The following SCAPER variants were observed in gnomAD, a reference collection of about 807,000 sequenced individuals.
SCAPER encodes the protein S phase cyclin A-associated protein in the endoplasmic reticulum.
SCAPER carries 98 observed loss-of-function variants against 182.2 expected under a neutral mutation model. That is an observed-to-expected ratio of 0.54 (90% CI 0.46 to 0.64). The LOEUF (loss-of-function observed/expected upper bound fraction) is 0.64. Ranked by LOEUF, SCAPER falls within the 30% of genes least tolerant of loss-of-function variation. SCAPER has a pLI of 0.00. For missense variants in SCAPER, 1,432 were observed against 1,690.0 expected (o/e 0.85, Z 2.68); for synonymous variants, 605 against 564.6 (o/e 1.07, Z -1.01).
intron 22 of SCAPER, among the ~76,000 whole-genome samples, chr15:76,574,852 G>A (rs1015049334): frequency 6.6e-6 from 1 of 152,062 alleles, no homozygotes; most frequent in Admixed American, 6.6e-5. Flanking sequence ...ATCACTGTGT[G>A]CATTACTTCT....
chr15:76,388,786 C>G (rs982326427), intron 27 of SCAPER, among the ~76,000 whole-genome samples: 3 of 151,846 alleles, frequency 2.0e-5, no homozygotes, highest in Admixed American at 1.3e-4. Flanking sequence ...TGGTGAAACC[C>G]TGTCTCTACT....
chr15:76,767,083 C>CA lies in SCAPER; in HGVS notation c.1253dup (p.Met418IlefsTer7), dbSNP rs750466647. 1.3e-6 allele frequency: 2 copies of CA among 1,580,660 alleles called. No individual in the cohort carries two copies. Among genetic ancestry groups the CA allele is most frequent in the Non-Finnish European group, 1.7e-6 (2 of 1,163,610 alleles). On this transcript the variant is annotated frameshift_variant, in exon 11 of 32. Transcript: ENST00000563290. LOFTEE classifies it high-confidence loss of function. ...CTTCTTTTTTAGCAAGGACTTCTGC[C>CA]ATGGACTATAAAGTTAAAAACACAT...
chr15:76,891,481 A>G (rs932667150), intron 1 of SCAPER, among the ~76,000 whole-genome samples: 1 of 152,254 alleles, frequency 6.6e-6, no homozygotes, highest in Non-Finnish European at 1.5e-5. Context: ...GTCTCAGGAT[A>G]TAAAATCAAT....
chr15:76,353,138 G>T (rs2040707354), intron 30 of SCAPER, among the ~76,000 whole-genome samples: 2 of 152,124 alleles, frequency 1.3e-5, no homozygotes, highest in Non-Finnish European at 2.9e-5. Flanking sequence ...AGAGATAGAT[G>T]TATATTCACC....
At chr15:76,694,617 C>A (rs1370312312) in intron 20 of SCAPER, among the ~76,000 whole-genome samples, 1 of 152,070 alleles carries the variant, frequency 6.6e-6, no homozygotes, top group African/African-American at 2.4e-5. Context: ...CCAAAAAACA[C>A]ATACCAGGAA....
rs199874042 is a variant in SCAPER, at chr15:76,714,537, A to G, written c.2166-8553T>C. ...TTACCATTCTAGTAGTAGTAGTGGT[A>G]GTAGTAGTAGTAGTAGTAGTAGTAG... On this transcript the variant is annotated intron_variant, in intron 17 of 31. Coordinates refer to ENST00000563290, the MANE Select transcript of SCAPER (RefSeq NM_020843.4). Among the ~76,000 whole-genome samples, 109 of 52,266 alleles carry G rather than the reference A, an allele frequency of 2.1e-3. 2 individuals carry two copies. In the East Asian group the frequency reaches 0.066, roughly 32 times the overall value. The allele number at this position is 52,266 out of a possible 152,430, so 34.3% of individuals were successfully genotyped here.
chr15:76,617,062 A>G (rs1247285188), intron 22 of SCAPER, among the ~76,000 whole-genome samples: 1 of 152,138 alleles, frequency 6.6e-6, no homozygotes, highest in African/African-American at 2.4e-5. Context: ...GTATTGATTT[A>G]TATATTACAT....
At chr15:76,364,092 G>T (rs564027370) in intron 29 of SCAPER, among the ~76,000 whole-genome samples, 1 of 152,310 alleles carries the variant, frequency 6.6e-6, no homozygotes, top group East Asian at 1.9e-4. Context: ...TATCACAGGA[G>T]AAAAGTTTAA....
At chr15:76,469,633 T>C (rs1306600216) in intron 25 of SCAPER, among the ~76,000 whole-genome samples, 1 of 152,154 alleles carries the variant, frequency 6.6e-6, no homozygotes, top group Non-Finnish European at 1.5e-5. Context: ...TAGTCAGTTA[T>C]TGTGCAGAAT....
chr15:76,536,822 T>C lies in SCAPER; in HGVS notation c.2839-31848A>G, dbSNP rs185530449. ...GATTCTATTATCTAGAAAACCCCATTGTCTCAGCCCAAAATCTCCTTAAGC... is the reference window on the plus strand; with the variant it reads ...GATTCTATTATCTAGAAAACCCCATCGTCTCAGCCCAAAATCTCCTTAAGC... On this transcript the variant is annotated intron_variant, in intron 23 of 31. Coordinates refer to ENST00000563290, the MANE Select transcript of SCAPER (RefSeq NM_020843.4). Among the ~76,000 whole-genome samples, 648 of 152,208 alleles carry C rather than the reference T, an allele frequency of 4.3e-3. 4 individuals carry two copies. The highest frequency in any genetic ancestry group is 5.2e-3 in the Non-Finnish European group (353 of 68,022).
chr15:76,738,565 GAC>G (rs2061392430), intron 15 of SCAPER, among the ~76,000 whole-genome samples: 2 of 151,794 alleles, frequency 1.3e-5, no homozygotes, highest in Admixed American at 1.3e-4. Context: ...GACTTAGGAG[GAC>G]ACTGTATGGT....
At chr15:76,435,777 C>T (rs991830365) in intron 25 of SCAPER, among the ~76,000 whole-genome samples, 1 of 152,148 alleles carries the variant, frequency 6.6e-6, no homozygotes, top group African/African-American at 2.4e-5. Flanking sequence ...GAACCCATAT[C>T]CTTTAAGTTT....
intron 20 of SCAPER, among the ~76,000 whole-genome samples, chr15:76,667,353 C>A (rs1018025062): frequency 6.6e-6 from 1 of 152,104 alleles, no homozygotes; most frequent in African/African-American, 2.4e-5. Flanking sequence ...TTTTCCTCTT[C>A]TTGACCTCTA....
intron 1 of SCAPER, among the ~76,000 whole-genome samples, chr15:76,899,654 G>A (rs1387400942): frequency 1.3e-5 from 2 of 151,804 alleles, no homozygotes; most frequent in Non-Finnish European, 2.9e-5. Flanking sequence ...CCCTCTGCCT[G>A]GCCGCCCCGT....
chr15:76,721,833 C>T (rs1241454674), intron 17 of SCAPER, among the ~76,000 whole-genome samples: 8 of 152,068 alleles, frequency 5.3e-5, no homozygotes, highest in East Asian at 1.9e-4. Context: ...TGGGCTGAGA[C>T]GATGGGGTTT....
intron 8 of SCAPER, among the ~76,000 whole-genome samples, chr15:76,788,179 C>T (rs1053099765): frequency 2.6e-5 from 4 of 152,096 alleles, no homozygotes; most frequent in African/African-American, 9.7e-5. Context: ...AAACACCACA[C>T]GGCCGTGGAG....
intron 29 of SCAPER, among the ~76,000 whole-genome samples, chr15:76,370,670 G>C (rs1393484766): frequency 6.6e-6 from 1 of 152,112 alleles, no homozygotes; most frequent in Non-Finnish European, 1.5e-5. Flanking sequence ...TCCACTTCCA[G>C]AACCAATTTG....
intron 23 of SCAPER, 149 bp downstream of exon 23, chr15:76,574,009 A>G (rs897499062): frequency 9.5e-6 from 7 of 740,128 alleles, no homozygotes; most frequent in Admixed American, 8.6e-5. Context: ...AAAGAACAAA[A>G]GTAAAAAAAA....
At chr15:76,415,883 T>A (rs142082297) in intron 26 of SCAPER, among the ~76,000 whole-genome samples, 208 of 152,270 alleles carry the variant, frequency 1.4e-3, no homozygotes, top group African/African-American at 5.0e-3. Context: ...GAAAATCTTA[T>A]CAGTTAACAA....
Sources: gnomAD v4.1 joint callset for allele counts (sites outside exome capture counted in the v4.1 genomes callset) on GRCh38, gnomAD v4.1.1 for gene constraint, MANE v1.5 for transcripts, NCBI Gene and HGNC (gene_info 2026-07-23, HGNC 2026-07-21) for gene names.